The following TBL1X variants were observed in gnomAD, a reference collection of about 807,000 sequenced individuals.
TBL1X encodes transducin beta like 1 X-linked.
TBL1X carries 10 observed loss-of-function variants against 50.7 expected under a neutral mutation model. That is an observed-to-expected ratio of 0.20 (90% CI 0.12 to 0.33). TBL1X has a LOEUF of 0.33. TBL1X is among the 10% of genes least tolerant of loss of function. The pLI, the probability that TBL1X is intolerant of heterozygous loss-of-function variation, is 1.00. For missense variants in TBL1X, 340 were observed against 504.4 expected (o/e 0.67, Z 3.12); for synonymous variants, 190 against 214.7 (o/e 0.88, Z 1.01).
At chrX:9,601,339 C>T (rs1193420726) in intron 2 of TBL1X, among the ~76,000 whole-genome samples, 2 of 111,047 alleles carry the variant, frequency 1.8e-5, no homozygotes, top group East Asian at 5.7e-4. Context: ...CAAGGACACA[C>T]TCCCTGGGCT....
rs191095078 is a variant in TBL1X at position 9,654,615 on chromosome X, C to T, written c.211+293C>T. Among the ~76,000 whole-genome samples, 4 of 111,369 alleles carry T rather than the reference C, an allele frequency of 3.6e-5. No homozygotes were observed. The Admixed American group carries it at 3.8e-4, about 11-fold the overall frequency. On this transcript the variant is annotated intron_variant, in intron 5 of 17. Transcript: ENST00000645353. Reference sequence around the variant, plus strand: ...GCAGTGCGGGGCTCTTGGCCTCCACCTCGGCGAGGGCATGCATGAGCTGGT... The same window carrying T: ...GCAGTGCGGGGCTCTTGGCCTCCACTTCGGCGAGGGCATGCATGAGCTGGT...
chrX:9,658,649 G>A (rs2082878789), intron 5 of TBL1X, among the ~76,000 whole-genome samples: 1 of 111,683 alleles, frequency 9.0e-6, no homozygotes, highest in Non-Finnish European at 1.9e-5. Context: ...CACATTTTTG[G>A]CATAAATTAA....
intron 5 of TBL1X, among the ~76,000 whole-genome samples, chrX:9,657,541 A>T (rs891983500): frequency 8.9e-6 from 1 of 112,714 alleles, no homozygotes; most frequent in South Asian, 3.6e-4. Context: ...TCCAAGACAC[A>T]TCTCTTCAAA....
intron 2 of TBL1X, among the ~76,000 whole-genome samples, chrX:9,609,336 GGTGTGTGTGT>G (rs775969638): frequency 1.2e-4 from 11 of 94,774 alleles, no homozygotes; most frequent in Non-Finnish European, 2.1e-4. Flanking sequence ...TTTTCTTCCA[GGTGTGTGTGT>G]GTGTGTGTGT....
At chrX:9,529,030 T>A (rs749255477) in intron 2 of TBL1X, among the ~76,000 whole-genome samples, 1 of 109,456 alleles carries the variant, frequency 9.1e-6, no homozygotes, top group Non-Finnish European at 1.9e-5. Flanking sequence ...AGTTTTCTGA[T>A]TTTTTTTTTC....
At chrX:9,550,269 G>A (rs960422955) in intron 2 of TBL1X, among the ~76,000 whole-genome samples, 1 of 112,022 alleles carries the variant, frequency 8.9e-6, no homozygotes, top group Non-Finnish European at 1.9e-5. Flanking sequence ...TGGAGTCATA[G>A]TTAAAAGGAT....
At chrX:9,625,926 A>G (rs761026551) in intron 2 of TBL1X, among the ~76,000 whole-genome samples, 73 of 111,661 alleles carry the variant, frequency 6.5e-4, no homozygotes, top group African/African-American at 2.3e-3. Context: ...CTGGGCGGTT[A>G]CCCTTTTTTG....
chrX:9,706,253 T>C (rs2083207005), intron 13 of TBL1X, among the ~76,000 whole-genome samples: 1 of 110,874 alleles, frequency 9.0e-6, no homozygotes, highest in East Asian at 2.8e-4. Context: ...ATTGGCCAAT[T>C]TGAAGAACAG....
In TBL1X at chrX:9,587,413, T is replaced by A. The variant is rs1297391748; in HGVS notation, c.-130-52860T>A. ...AAAGAAGGGCTTGGAAGTTTCATTTTGTCTTACATGAGTGTGTGTGCCGAG... is the reference window on the plus strand; with the variant it reads ...AAAGAAGGGCTTGGAAGTTTCATTTAGTCTTACATGAGTGTGTGTGCCGAG... On this transcript the variant is annotated intron_variant, in intron 2 of 17. Coordinates refer to ENST00000645353, the MANE Select transcript of TBL1X (RefSeq NM_005647.4). Among the ~76,000 whole-genome samples, 4 of 112,007 alleles carry A rather than the reference T, an allele frequency of 3.6e-5. No homozygotes were observed. The East Asian group carries it at 1.1e-3, about 31-fold the overall frequency.
chrX:9,696,710 A>G (rs1387113211), intron 11 of TBL1X, among the ~76,000 whole-genome samples: 1 of 112,490 alleles, frequency 8.9e-6, no homozygotes, highest in Non-Finnish European at 1.9e-5. Flanking sequence ...CTTCACTTGG[A>G]ACAAATGCCA....
intron 1 of TBL1X, among the ~76,000 whole-genome samples, chrX:9,480,641 A>C (rs1460441036): frequency 6.4e-5 from 7 of 110,047 alleles, no homozygotes; most frequent in Non-Finnish European, 1.1e-4. Context: ...AAAATTCTTG[A>C]GTTATTATGG....
chrX:9,568,148 G>A (rs927844570), intron 2 of TBL1X, among the ~76,000 whole-genome samples: 5 of 111,989 alleles, frequency 4.5e-5, no homozygotes, highest in Non-Finnish European at 9.4e-5. Flanking sequence ...TTTCCCCTGG[G>A]AGTCTTGAGA....
rs145692617 is a variant in TBL1X, at chrX:9,591,136, C to T, written c.-130-49137C>T. 2.7e-3 allele frequency among the ~76,000 whole-genome samples: 297 copies of T among 110,847 alleles called. 3 individuals are homozygous for T. In the South Asian group the frequency reaches 0.056, roughly 21 times the overall value. ...CTTGTGGGAACTCCTGCTTACTCCCCGTGACCCTGAGCAAAACTTCCAAGT... is the reference window on the plus strand; with the variant it reads ...CTTGTGGGAACTCCTGCTTACTCCCTGTGACCCTGAGCAAAACTTCCAAGT... On this transcript the variant is annotated intron_variant, in intron 2 of 17. Coordinates refer to ENST00000645353, the MANE Select transcript of TBL1X (RefSeq NM_005647.4).
intron 2 of TBL1X, among the ~76,000 whole-genome samples, chrX:9,613,220 A>G (rs1388798680): frequency 9.0e-6 from 1 of 111,111 alleles, no homozygotes; most frequent in East Asian, 2.8e-4. Context: ...TTAAAGAGGA[A>G]TCGTGTGGCC....
At chrX:9,600,469 C>CGG (rs1236527927) in intron 2 of TBL1X, among the ~76,000 whole-genome samples, 2,136 of 11,201 alleles carry the variant, frequency 0.19, 84 homozygotes, top group African/African-American at 0.22. Context: ...ATTTGGTGGG[C>CGG]GGGGGGGGGG....
intron 5 of TBL1X, among the ~76,000 whole-genome samples, chrX:9,681,645 G>C (rs1046681116): frequency 8.9e-6 from 1 of 112,521 alleles, no homozygotes; most frequent in Admixed American, 9.4e-5. Flanking sequence ...AGGAGCACGA[G>C]ACTTTCCTTC....
chrX:9,601,007 C>A (rs958005361), intron 2 of TBL1X, among the ~76,000 whole-genome samples: 8 of 111,896 alleles, frequency 7.1e-5, no homozygotes, highest in African/African-American at 2.6e-4. Flanking sequence ...CTGGGGACCA[C>A]TGGAATTTTT....
At chrX:9,628,636 C>T (rs1382402634) in intron 2 of TBL1X, among the ~76,000 whole-genome samples, 1 of 109,246 alleles carries the variant, frequency 9.2e-6, no homozygotes. Flanking sequence ...CAACCTCTGC[C>T]TCCTGGATTC....
At chrX:9,487,872 AG>A (rs1326143183) in intron 1 of TBL1X, among the ~76,000 whole-genome samples, 1 of 111,226 alleles carries the variant, frequency 9.0e-6, no homozygotes, top group Non-Finnish European at 1.9e-5. Flanking sequence ...TGTTCCTTCC[AG>A]AGCTGAGGTT....
Sources: gnomAD v4.1 joint callset for allele counts (sites outside exome capture counted in the v4.1 genomes callset) on GRCh38, gnomAD v4.1.1 for gene constraint, MANE v1.5 for transcripts, NCBI Gene and HGNC (gene_info 2026-07-23, HGNC 2026-07-21) for gene names.